The following EPHA4 variants were observed in gnomAD, a reference collection of about 807,000 sequenced individuals.
EPHA4 encodes the protein EPH receptor A4, also known as ephrin type-A receptor 4.
EPHA4 carries 19 observed loss-of-function variants against 108.3 expected under a neutral mutation model. The ratio of observed to expected loss-of-function variants is 0.18; its 90% CI spans 0.12 to 0.26. The LOEUF is 0.26. Among genes scored for constraint, EPHA4 ranks in the 10% least tolerant of loss-of-function variants. The pLI is 1.00. For synonymous variants in EPHA4, 449 were observed against 455.5 expected, an observed-to-expected ratio of 0.99 and a Z score of 0.18; for missense variants, 917 against 1,254.0, an observed-to-expected ratio of 0.73 and a Z score of 4.06.
Position 221,537,837 on chromosome 2 carries a change from C to T in EPHA4, c.823+25894G>A, listed in dbSNP as rs1218954892. The stretch of plus-strand genomic sequence containing the variant: ...AGAAGAAAGACAAAGATGACGATGA[C>T]GAAGAAGGAGGAGGAGGAGATTATC... On this transcript the variant is annotated intron_variant, in intron 3 of 17. Transcript: ENST00000281821. 3.3e-5 allele frequency among the ~76,000 whole-genome samples: 5 copies of T among 151,938 alleles called. No individual in the cohort carries two copies. The South Asian group carries it at 6.2e-4, about 19-fold the overall frequency.
intron 10 of EPHA4, 24 bp from the exon 11 acceptor site, chr2:221,443,038 C>G: frequency 1.2e-6 from 2 of 1,604,998 alleles, no homozygotes; most frequent in Non-Finnish European, 1.7e-6. Flanking sequence ...AAAGAATCTA[C>G]GATGGACCAG....
intron 11 of EPHA4, among the ~76,000 whole-genome samples, chr2:221,441,406 T>C (rs966151965): frequency 3.9e-5 from 6 of 151,918 alleles, no homozygotes; most frequent in African/African-American, 1.5e-4. Flanking sequence ...ACCTTAGGAA[T>C]AGTCAAACTC....
chr2:221,422,924 T>C (rs1361506850), intron 17 of EPHA4, among the ~76,000 whole-genome samples: 1 of 152,230 alleles, frequency 6.6e-6, no homozygotes, highest in Non-Finnish European at 1.5e-5. Context: ...CCAGCATAAC[T>C]TGAAAGGTCT....
At chr2:221,474,572 C>A (rs1190477830) in intron 5 of EPHA4, among the ~76,000 whole-genome samples, 2 of 152,104 alleles carry the variant, frequency 1.3e-5, no homozygotes, top group Admixed American at 6.6e-5. Context: ...CTTGCTTGGG[C>A]CTATAATTAC....
At position 221,523,472 on chromosome 2, in the gene EPHA4, A is replaced by T. The variant is rs372338522; in HGVS notation, c.824-22300T>A. ...CCAGCTAATTTTGTATTTTTAGTAGAGATGGGGTTTCTCCATGTTGGTCAG... is the reference window on the plus strand; with the variant it reads ...CCAGCTAATTTTGTATTTTTAGTAGTGATGGGGTTTCTCCATGTTGGTCAG... On this transcript the variant is annotated intron_variant, in intron 3 of 17. Coordinates refer to ENST00000281821, the MANE Select transcript of EPHA4 (RefSeq NM_004438.5). Among the ~76,000 whole-genome samples, 54 of 152,136 alleles carry T rather than the reference A, an allele frequency of 3.5e-4. No homozygotes were observed. The South Asian group carries it at 0.011, about 32-fold the overall frequency.
chr2:221,488,065 C>G (rs1026883871), intron 4 of EPHA4, among the ~76,000 whole-genome samples: 2 of 152,138 alleles, frequency 1.3e-5, no homozygotes, highest in Non-Finnish European at 2.9e-5. Flanking sequence ...TATGGGCCAT[C>G]TGCTCCCTGC....
intron 3 of EPHA4, among the ~76,000 whole-genome samples, chr2:221,544,820 C>A (rs992228220): frequency 1.3e-5 from 2 of 152,040 alleles, no homozygotes; most frequent in Non-Finnish European, 2.9e-5. Flanking sequence ...AAGGCTAGTA[C>A]CCTTACAAGA....
At chr2:221,463,807 A>T (rs566516215) in intron 5 of EPHA4, among the ~76,000 whole-genome samples, 4 of 152,330 alleles carry the variant, frequency 2.6e-5, no homozygotes, top group South Asian at 4.1e-4. Flanking sequence ...AAGAGGAGAT[A>T]CGGAGAAAAG....
At chr2:221,493,575 A>G (rs1168969372) in intron 4 of EPHA4, among the ~76,000 whole-genome samples, 1 of 152,228 alleles carries the variant, frequency 6.6e-6, no homozygotes, top group Non-Finnish European at 1.5e-5. Context: ...CACCGGTCGA[A>G]TCGACATTGG....
intron 11 of EPHA4, among the ~76,000 whole-genome samples, chr2:221,440,878 C>T (rs1015419443): frequency 1.3e-5 from 2 of 152,188 alleles, no homozygotes; most frequent in South Asian, 2.1e-4. Context: ...GGTATGCGGT[C>T]GTTTGTCCCC....
intron 11 of EPHA4, among the ~76,000 whole-genome samples, chr2:221,440,915 C>A (rs141445989): frequency 6.6e-6 from 1 of 152,230 alleles, no homozygotes; most frequent in Non-Finnish European, 1.5e-5. Context: ...AAGCGTGATT[C>A]CCATACCAGC....
In EPHA4 at chr2:221,432,818, A is replaced by ATTTTTTTTT. The variant is rs34200694; in HGVS notation, c.2496+1315_2496+1323dup. Among the ~76,000 whole-genome samples, 34 of 89,084 alleles carry ATTTTTTTTT rather than the reference A, an allele frequency of 3.8e-4. 1 individual carries two copies. The highest frequency in any genetic ancestry group is 5.6e-4 in the Non-Finnish European group (26 of 46,320). The allele number at this position is 89,084 out of a possible 152,430, so 58.4% of individuals were successfully genotyped here. A position where few individuals can be genotyped will look rare whatever the true frequency, so the allele number is the denominator to read the frequency against. On this transcript the variant is annotated intron_variant, in intron 14 of 17. Transcript: ENST00000281821. ...ACCACCACGCCCAGCAAATCTTTGT[A>ATTTTTTTTT]TTTTTTTTTTTTTTTTTTTTTTTTG...
chr2:221,565,979 C>G (rs1207057472), intron 2 of EPHA4, among the ~76,000 whole-genome samples: 1 of 152,178 alleles, frequency 6.6e-6, no homozygotes, highest in Non-Finnish European at 1.5e-5. Flanking sequence ...AATTGTCTAA[C>G]CACACTGATC....
intron 4 of EPHA4, among the ~76,000 whole-genome samples, chr2:221,494,640 A>C (rs1692251016): frequency 6.6e-6 from 1 of 152,166 alleles, no homozygotes; most frequent in African/African-American, 2.4e-5. Context: ...AAGTTACTTT[A>C]AATATAACAT....
chr2:221,557,663 G>T (rs1266724732), intron 3 of EPHA4, among the ~76,000 whole-genome samples: 1 of 150,846 alleles, frequency 6.6e-6, no homozygotes, highest in African/African-American at 2.5e-5. Context: ...TGAAGGTTCA[G>T]ATGTAAAGAA....
At chr2:221,503,928 T>C (rs1692553516) in intron 3 of EPHA4, among the ~76,000 whole-genome samples, 1 of 152,258 alleles carries the variant, frequency 6.6e-6, no homozygotes, top group Non-Finnish European at 1.5e-5. Context: ...CTCTATGTGG[T>C]GCACAGCCTT....
intron 5 of EPHA4, among the ~76,000 whole-genome samples, chr2:221,466,003 C>T (rs1048595421): frequency 1.3e-5 from 2 of 152,204 alleles, no homozygotes; most frequent in Non-Finnish European, 2.9e-5. Flanking sequence ...CTCCCGGAAA[C>T]TCCAGCTGGT....
At chr2:221,444,516 A>T (rs1475900549) in intron 9 of EPHA4, among the ~76,000 whole-genome samples, 1 of 152,176 alleles carries the variant, frequency 6.6e-6, no homozygotes. Context: ...ATTGGTTAGG[A>T]ATAAGCTCCT....
chr2:221,422,078 A>C (rs1239818076), intron 17 of EPHA4: 1 of 151,976 alleles, frequency 6.6e-6, no homozygotes, highest in Non-Finnish European at 1.5e-5. Context: ...CATCTTTAAA[A>C]AAAAAAAAAA....
Sources: allele counts gnomAD v4.1 joint callset (sites outside exome capture counted in the v4.1 genomes callset), GRCh38; gene constraint gnomAD v4.1.1; transcripts MANE v1.5; gene names NCBI Gene and HGNC (gene_info 2026-07-23, HGNC 2026-07-21).